Variants in GRID1 observed in about 807,000 individuals in gnomAD.
The protein encoded by GRID1 is glutamate receptor ionotropic, delta-1.
GRID1 carries 28 observed loss-of-function variants against 98.0 expected under a neutral mutation model. That is an observed-to-expected ratio of 0.29 (90% CI 0.21 to 0.39). The LOEUF is 0.39. Ranked by LOEUF, GRID1 falls within the 10% of genes least tolerant of loss-of-function variation. The probability of loss-of-function intolerance (pLI) is 1.00; values close to 1 mark genes in which losing one functional copy is unlikely to be tolerated. For missense variants in GRID1, 1,111 were observed against 1,340.5 expected (o/e 0.83, Z 2.67); for synonymous variants, 553 against 538.5 (o/e 1.03, Z -0.37).
At chr10:85,949,951 G>T (rs1012497963) in intron 4 of GRID1, among the ~76,000 whole-genome samples, 2 of 150,012 alleles carry the variant, frequency 1.3e-5, no homozygotes, top group Non-Finnish European at 3.0e-5. Context: ...TGCATGGATG[G>T]ATAGTTGGAT....
At chr10:85,604,645 C>T (rs1404454961) in intron 15 of GRID1, among the ~76,000 whole-genome samples, 1 of 152,178 alleles carries the variant, frequency 6.6e-6, no homozygotes, top group Non-Finnish European at 1.5e-5. Context: ...ATGCTGACTC[C>T]TTCAAAGGTT....
intron 8 of GRID1, among the ~76,000 whole-genome samples, chr10:85,770,434 G>C (rs1020679651): frequency 5.9e-5 from 9 of 152,210 alleles, no homozygotes; most frequent in African/African-American, 2.2e-4. Flanking sequence ...TCCTCCAAAG[G>C]AATGCAGCTC....
At chr10:86,334,344 G>T (rs189478452) in intron 2 of GRID1, among the ~76,000 whole-genome samples, 6 of 152,118 alleles carry the variant, frequency 3.9e-5, no homozygotes, top group African/African-American at 1.4e-4. Context: ...GTGGATGGGG[G>T]TGGGGATCGC....
intron 13 of GRID1, chr10:85,646,108 A>ATGTGTG (rs1368351531): frequency 8.5e-6 from 1 of 117,122 alleles, no homozygotes; most frequent in African/African-American, 4.0e-5. Context: ...CAGCACAGGG[A>ATGTGTG]TGAGTGTGTG....
intron 3 of GRID1, among the ~76,000 whole-genome samples, chr10:86,175,340 C>CAA (rs55758704): frequency 4.7e-4 from 50 of 105,682 alleles, no homozygotes; most frequent in Middle Eastern, 4.5e-3. Flanking sequence ...CTCAATAAAG[C>CAA]AAAAAAAAAA....
intron 2 of GRID1, among the ~76,000 whole-genome samples, chr10:86,263,992 A>G (rs1000607832): frequency 6.6e-6 from 1 of 152,212 alleles, no homozygotes; most frequent in Non-Finnish European, 1.5e-5. Flanking sequence ...AGCCTCTGCA[A>G]GTTCACAGCA....
At chr10:85,952,516 T>C (rs1294358459) in intron 4 of GRID1, among the ~76,000 whole-genome samples, 1 of 152,240 alleles carries the variant, frequency 6.6e-6, no homozygotes, top group Non-Finnish European at 1.5e-5. Flanking sequence ...ATTACTGCAA[T>C]GCCTTCAGGT....
At position 86,365,897 on chromosome 10, in the gene GRID1, C is replaced by T. The variant is rs1476786494; in HGVS notation, c.79+417G>A. ...ACCCACACACATTCACACACGGTTC[C>T]GGTCCGGCCTCTTTGATCTTGCCCT... On this transcript the variant is annotated intron_variant, in intron 1 of 15. Transcript: ENST00000327946. This position sits in a 1 kb window ranked among gnomAD's most constrained non-coding sequence, Gnocchi z 4.8. Among the ~76,000 whole-genome samples the T allele has an allele frequency of 6.6e-6, 1 of 151,680 alleles. No homozygotes were observed. Among genetic ancestry groups the T allele is most frequent in the Non-Finnish European group, 1.5e-5 (1 of 67,908 alleles).
At chr10:85,892,897 G>T (rs1226973978) in intron 5 of GRID1, among the ~76,000 whole-genome samples, 1 of 152,054 alleles carries the variant, frequency 6.6e-6, no homozygotes, top group Non-Finnish European at 1.5e-5. Flanking sequence ...CAGACAAAGG[G>T]TTTACAGGAT....
chr10:86,047,359 T>A (rs1174799764), intron 4 of GRID1, among the ~76,000 whole-genome samples: 1 of 152,272 alleles, frequency 6.6e-6, no homozygotes, highest in Admixed American at 6.5e-5. Context: ...AAGCTGAAAA[T>A]CACTTATTCT....
At chr10:86,210,453 G>A (rs952404972) in intron 2 of GRID1, among the ~76,000 whole-genome samples, 2 of 152,198 alleles carry the variant, frequency 1.3e-5, no homozygotes, top group Non-Finnish European at 1.5e-5. Context: ...GACTTAGGAC[G>A]CTGATAGCAA....
intron 3 of GRID1, among the ~76,000 whole-genome samples, chr10:86,141,299 T>G (rs1589385745): frequency 6.6e-6 from 1 of 152,186 alleles, no homozygotes; most frequent in Admixed American, 6.5e-5. Context: ...TTCAGGGCCA[T>G]GGGGATCTGT....
At chr10:86,101,374 A>T (rs1844293574) in intron 4 of GRID1, among the ~76,000 whole-genome samples, 2 of 152,232 alleles carry the variant, frequency 1.3e-5, no homozygotes, top group South Asian at 4.1e-4. Context: ...CCAACACCAT[A>T]ATCAAGATAC....
intron 4 of GRID1, among the ~76,000 whole-genome samples, chr10:86,089,335 C>T (rs1844109701): frequency 6.6e-6 from 1 of 152,166 alleles, no homozygotes; most frequent in African/African-American, 2.4e-5. Flanking sequence ...CACAGAACCT[C>T]CACCTCAGGT....
At chr10:85,869,571 G>A (rs1843256440) in intron 5 of GRID1, among the ~76,000 whole-genome samples, 1 of 152,182 alleles carries the variant, frequency 6.6e-6, no homozygotes, top group African/African-American at 2.4e-5. Flanking sequence ...CTCTGCCATA[G>A]TTGATCAATA....
chr10:86,305,945 C>A (rs1847753624), intron 2 of GRID1, among the ~76,000 whole-genome samples: 1 of 152,226 alleles, frequency 6.6e-6, no homozygotes, highest in African/African-American at 2.4e-5. Context: ...AAGACATTTA[C>A]AAATGCACAT....
chr10:85,703,502 T>C (rs1641289309), intron 12 of GRID1, among the ~76,000 whole-genome samples: 1 of 152,032 alleles, frequency 6.6e-6, no homozygotes, highest in Non-Finnish European at 1.5e-5. Context: ...TCGAAGATTC[T>C]GTAAACAAAG....
chr10:86,343,957 G>A (rs1325728170), intron 2 of GRID1, among the ~76,000 whole-genome samples: 1 of 152,260 alleles, frequency 6.6e-6, no homozygotes. Flanking sequence ...GGGAAAGCAC[G>A]TGGCCACGCC....
intron 4 of GRID1, among the ~76,000 whole-genome samples, chr10:86,079,654 T>A (rs143164994): frequency 2.3e-4 from 35 of 152,232 alleles, no homozygotes; most frequent in East Asian, 9.7e-4. Context: ...CTTGACCAAG[T>A]CATGCAACCT....
Sources: gnomAD v4.1 joint callset for allele counts (sites outside exome capture counted in the v4.1 genomes callset) on GRCh38, gnomAD v4.1.1 for gene constraint, Gnocchi (gnomAD v3.1) non-coding constraint, MANE v1.5 for transcripts, NCBI Gene and HGNC (gene_info 2026-07-23, HGNC 2026-07-21) for gene names.